Variants in TMCC1 observed in about 807,000 individuals in gnomAD.
TMCC1 encodes the protein transmembrane and coiled-coil domain family 1.
A neutral mutation model predicts 52.4 loss-of-function variants in TMCC1; 15 were observed. The ratio of observed to expected loss-of-function variants is 0.29; its 90% CI spans 0.19 to 0.44. The LOEUF (loss-of-function observed/expected upper bound fraction) is 0.44, where lower values mean the gene tolerates loss of function less well. Ranked by LOEUF, TMCC1 falls within the 20% of genes least tolerant of loss-of-function variation. TMCC1 has a pLI of 1.00. For missense variants in TMCC1, 503 were observed against 806.0 expected, an observed-to-expected ratio of 0.62 and a Z score of 4.55; for synonymous variants, 279 against 301.9, an observed-to-expected ratio of 0.92 and a Z score of 0.79.
intron 1 of TMCC1, among the ~76,000 whole-genome samples, chr3:129,887,245 G>GA (rs920034381): frequency 1.8e-4 from 26 of 145,302 alleles, no homozygotes; most frequent in East Asian, 2.0e-4. Context: ...TTTACCTTAA[G>GA]AAAAAAAAAA....
intron 4 of TMCC1, among the ~76,000 whole-genome samples, chr3:129,765,209 T>C (rs1206724199): frequency 6.6e-6 from 1 of 151,724 alleles, no homozygotes; most frequent in African/African-American, 2.4e-5. Context: ...ATTATATATA[T>C]GATATTGAGC....
At chr3:129,789,718 G>T (rs933689642) in intron 4 of TMCC1, among the ~76,000 whole-genome samples, 71 of 152,168 alleles carry the variant, frequency 4.7e-4, no homozygotes, top group African/African-American at 1.7e-3. Context: ...CTGACCTCAT[G>T]ATCTACCCAC....
At chr3:129,806,916 G>GA (rs570915106) in intron 4 of TMCC1, among the ~76,000 whole-genome samples, 5 of 150,518 alleles carry the variant, frequency 3.3e-5, no homozygotes, top group South Asian at 4.2e-4. Context: ...AAGAACAAAG[G>GA]AAAAAAAACC....
intron 2 of TMCC1, among the ~76,000 whole-genome samples, chr3:129,841,543 A>T (rs1487430313): frequency 1.3e-5 from 2 of 152,178 alleles, no homozygotes; most frequent in African/African-American, 4.8e-5. Context: ...AGATCGTGTC[A>T]TTGCACTCCA....
intron 2 of TMCC1, among the ~76,000 whole-genome samples, chr3:129,851,581 G>C (rs1471452523): frequency 2.0e-5 from 3 of 152,186 alleles, no homozygotes; most frequent in South Asian, 2.1e-4. Flanking sequence ...CAGGAAAGCA[G>C]AAAGTTTAGT....
chr3:129,684,387 T>C (rs1329406649), intron 4 of TMCC1, among the ~76,000 whole-genome samples: 1 of 152,248 alleles, frequency 6.6e-6, no homozygotes, highest in African/African-American at 2.4e-5. Flanking sequence ...TGCATTTCTA[T>C]ACTCTGTTGA....
chr3:129,817,605 A>C lies in TMCC1; in HGVS notation c.576+10198T>G, dbSNP rs2717241. Reference sequence around the variant, plus strand: ...CCCTTAGAGACTATCCCACATCTTCATATTTTGATTTTCAGAGTGGCTGAA... The same window carrying C: ...CCCTTAGAGACTATCCCACATCTTCCTATTTTGATTTTCAGAGTGGCTGAA... On this transcript the variant is annotated intron_variant, in intron 4 of 6. Coordinates refer to ENST00000393238, the MANE Select transcript of TMCC1 (RefSeq NM_001017395.5). Among the ~76,000 whole-genome samples the C allele has an allele frequency of 6.9e-3, 1,049 of 152,098 alleles. 19 individuals carry two copies. The highest frequency in any genetic ancestry group is 0.024 in the African/African-American group (1,000 of 41,458).
At chr3:129,856,796 AG>A (rs1040532295) in intron 2 of TMCC1, among the ~76,000 whole-genome samples, 53 of 152,230 alleles carry the variant, frequency 3.5e-4, no homozygotes, top group African/African-American at 1.3e-3. Flanking sequence ...CTCTAAGTCA[AG>A]AAATTCTTTT....
intron 4 of TMCC1, among the ~76,000 whole-genome samples, chr3:129,723,223 C>G (rs768682460): frequency 5.3e-5 from 8 of 152,068 alleles, no homozygotes; most frequent in Non-Finnish European, 7.4e-5. Flanking sequence ...AGTTTTATCT[C>G]AGAGATTTGT....
chr3:129,825,000 G>A (rs774354598), intron 4 of TMCC1, among the ~76,000 whole-genome samples: 2 of 152,016 alleles, frequency 1.3e-5, no homozygotes, highest in Non-Finnish European at 2.9e-5. Flanking sequence ...CTATTTAATA[G>A]TCACTGTGCT....
At chr3:129,700,653 T>C (rs1393299661) in intron 4 of TMCC1, among the ~76,000 whole-genome samples, 1 of 152,068 alleles carries the variant, frequency 6.6e-6, no homozygotes, top group African/African-American at 2.4e-5. Flanking sequence ...ATTTTTGTAC[T>C]TTTAGTAGAG....
intron 4 of TMCC1, among the ~76,000 whole-genome samples, chr3:129,787,426 AC>A (rs2056117341): frequency 1.3e-5 from 2 of 152,278 alleles, no homozygotes; most frequent in African/African-American, 4.8e-5. Context: ...TTCCTGTGCT[AC>A]CACAAGGGAA....
chr3:129,879,436 GT>G (rs1383791217), intron 2 of TMCC1, among the ~76,000 whole-genome samples: 2 of 151,886 alleles, frequency 1.3e-5, no homozygotes, highest in Admixed American at 1.3e-4. Context: ...ACAAGACGTT[GT>G]CTTAAAAAAA....
chr3:129,674,690 A>C (rs538622273), intron 4 of TMCC1, among the ~76,000 whole-genome samples: 51 of 152,360 alleles, frequency 3.3e-4, no homozygotes, highest in Non-Finnish European at 6.3e-4. Context: ...AGTTAGGAAC[A>C]AAGTCCTTAA....
chr3:129,873,336 A>G (rs914409044), intron 2 of TMCC1, among the ~76,000 whole-genome samples: 2 of 151,954 alleles, frequency 1.3e-5, no homozygotes, highest in Admixed American at 1.3e-4. Flanking sequence ...AAGAAAAAAA[A>G]TCACAGGAAA....
chr3:129,822,675 T>C (rs980931804), intron 4 of TMCC1, among the ~76,000 whole-genome samples: 2 of 152,220 alleles, frequency 1.3e-5, no homozygotes, highest in East Asian at 3.8e-4. Flanking sequence ...GCAAGAATGC[T>C]GAACACAAAA....
At position 129,835,042 on chromosome 3, in the gene TMCC1, T is replaced by C. The variant is rs369545727; in HGVS notation, c.-183-2216A>G. Among the ~76,000 whole-genome samples the C allele has an allele frequency of 2.0e-4, 31 of 152,326 alleles. No individual in the cohort carries two copies. The South Asian group carries it at 5.2e-3, about 25-fold the overall frequency. On this transcript the variant is annotated intron_variant, in intron 2 of 6. Transcript: ENST00000393238. The stretch of plus-strand genomic sequence containing the variant: ...TTATTCCTTTAGACCTGCTTAAATA[T>C]TTCTCTACTCTCTCACCACCCTGGC...
chr3:129,797,975 G>A (rs1004104025), intron 4 of TMCC1, among the ~76,000 whole-genome samples: 4 of 145,428 alleles, frequency 2.8e-5, no homozygotes. Context: ...CAGAGCACCC[G>A]AGTTGTGTGC....
chr3:129,884,893 A>G (rs1427778954), intron 1 of TMCC1, among the ~76,000 whole-genome samples: 2 of 152,036 alleles, frequency 1.3e-5, no homozygotes, highest in South Asian at 4.1e-4. Flanking sequence ...TAATCCTAGC[A>G]TTTTGGGAGG....
Sources: gnomAD v4.1 joint callset for allele counts (sites outside exome capture counted in the v4.1 genomes callset) on GRCh38, gnomAD v4.1.1 for gene constraint, MANE v1.5 for transcripts, NCBI Gene and HGNC (gene_info 2026-07-23, HGNC 2026-07-21) for gene names.